The following HABP2 variants were observed in gnomAD, a reference collection of about 807,000 sequenced individuals.
The protein encoded by HABP2 is factor VII-activating protease.
Under a neutral mutation model 66.5 loss-of-function variants are expected in HABP2, and 65 were observed. The ratio of observed to expected loss-of-function variants is 0.98; its 90% confidence interval spans 0.80 to 1.20. The LOEUF (loss-of-function observed/expected upper bound fraction) is 1.20. Ranked by LOEUF, HABP2 falls within the 50% of genes most tolerant of loss-of-function variation. The probability of loss-of-function intolerance (pLI) is 0.00; values close to 1 mark genes in which losing one functional copy is unlikely to be tolerated. For synonymous variants in HABP2, 263 were observed against 253.9 expected (o/e 1.04, Z -0.34); for missense variants, 786 against 691.0 (o/e 1.14, Z -1.54).
chr10:113,586,385 G>T (rs1020506387), intron 12 of HABP2, among the ~76,000 whole-genome samples: 1 of 150,480 alleles, frequency 6.6e-6, no homozygotes, highest in Non-Finnish European at 1.5e-5. Flanking sequence ...AAGACCAGTG[G>T]CTAGAAGGAG....
chr10:113,580,762 C>A (rs150362139), intron 8 of HABP2, 70 bp downstream of exon 8: 2 of 800,602 alleles, frequency 2.5e-6, no homozygotes, highest in South Asian at 1.4e-5. Context: ...ATGTCCCTGG[C>A]ACCTGGTCCC....
chr10:113,574,851 C>A (rs1384908665), intron 3 of HABP2, among the ~76,000 whole-genome samples: 1 of 152,166 alleles, frequency 6.6e-6, no homozygotes, highest in African/African-American at 2.4e-5. Context: ...TCCCTCATGC[C>A]TTTGCCAGAA....
Position 113,588,695 on chromosome 10 carries a change from G to A in HABP2, c.*326G>A. The A allele has an allele frequency of 1.9e-6, 1 of 537,534 alleles. No homozygotes were observed. Among genetic ancestry groups the A allele is most frequent in the Non-Finnish European group, 3.3e-6 (1 of 306,234 alleles). The allele number at this position is 537,534 out of a possible 1,614,324, so 33.3% of individuals were successfully genotyped here. On this transcript the variant is annotated 3_prime_UTR_variant, in exon 13 of 13. Coordinates refer to ENST00000351270, the MANE Select transcript of HABP2 (RefSeq NM_004132.5). ...CCACCACAGGCATCCTGCAAATGCA[G>A]ACTCCAGAATCCCCAGCATCAGCGG...
At position 113,578,640 on chromosome 10, in the gene HABP2, C is replaced by CT; in HGVS notation, c.583dup (p.Tyr195LeufsTer14). 2 of 1,612,690 alleles carry CT rather than the reference C, an allele frequency of 1.2e-6. No homozygotes were observed. Among genetic ancestry groups the CT allele is most frequent in the Non-Finnish European group, 1.7e-6 (2 of 1,178,944 alleles). On this transcript the variant is annotated frameshift_variant, in exon 7 of 13. Coordinates refer to ENST00000351270, the MANE Select transcript of HABP2 (RefSeq NM_004132.5). LOFTEE classifies it high-confidence loss of function. ...GCTCTCTCGGAGGTTCTGATGACTGCTATGTTGGCGATGGCTACTCTTACC... is the reference window on the plus strand; with the variant it reads ...GCTCTCTCGGAGGTTCTGATGACTGCTTATGTTGGCGATGGCTACTCTTACC...
rs137990336 is a variant in HABP2, at chr10:113,588,240, C to T, written c.1554C>T (p.Asp518=). Reference sequence around the variant, plus strand: ...GAGGCCCCCTGACCTGTGAGAAGGACGGCACCTACTACGTCTATGGGATAG... The same window carrying T: ...GAGGCCCCCTGACCTGTGAGAAGGATGGCACCTACTACGTCTATGGGATAG... ...DSGGPLTCEK[D]GTYYVYGIVS... The change falls in exon 13 of 13, where the codon GAC becomes GAT. Residue 518 remains aspartate, a synonymous_variant. Coordinates refer to ENST00000351270, the MANE Select transcript of HABP2 (RefSeq NM_004132.5). 474 of 1,612,770 alleles carry T rather than the reference C, an allele frequency of 2.9e-4. No individual in the cohort carries two copies. In the African/African-American group the frequency reaches 4.4e-3, roughly 15 times the overall value.
In HABP2 at chr10:113,553,052, TC is replaced by T. The variant is rs1184211847; in HGVS notation, c.-64del. The T allele has an allele frequency of 3.7e-6, 4 of 1,069,318 alleles. No individual in the cohort carries two copies. Among genetic ancestry groups the T allele is most frequent in the Admixed American group, 1.8e-5 (1 of 55,706 alleles). 66.2% of individuals were successfully genotyped at this position (1,069,318 alleles called of 1,614,324 possible). A position where few individuals can be genotyped will look rare whatever the true frequency, so the allele number is the denominator to read the frequency against. On this transcript the variant is annotated 5_prime_UTR_variant, in exon 1 of 13. Coordinates refer to ENST00000351270, the MANE Select transcript of HABP2 (RefSeq NM_004132.5). Reference sequence around the variant, plus strand: ...CTGAATCCTTGGAGACTGACATTTTTCCCCCCTAAAGGCATAGACAACAAAA... The same window carrying T: ...CTGAATCCTTGGAGACTGACATTTTTCCCCCTAAAGGCATAGACAACAAAA...
chr10:113,582,352 T>A (rs965634919), intron 9 of HABP2, among the ~76,000 whole-genome samples: 2 of 152,264 alleles, frequency 1.3e-5, no homozygotes, highest in Non-Finnish European at 2.9e-5. Flanking sequence ...TCCTTAAAGC[T>A]GTCTGCTGGA....
At chr10:113,574,196 A>T (rs1282409107) in intron 2 of HABP2, 93 bp from the exon 3 acceptor site, 1 of 711,450 alleles carries the variant, frequency 1.4e-6, no homozygotes, top group African/African-American at 1.7e-5. Flanking sequence ...AGGACTTTGA[A>T]TTCTTTGGGG....
chr10:113,578,710 T>G lies in HABP2; in HGVS notation c.652T>G (p.Trp218Gly), dbSNP rs1565105034. 1 of 1,610,164 alleles carries G rather than the reference T, an allele frequency of 6.2e-7. No homozygotes were observed. Among genetic ancestry groups the G allele is most frequent in the Non-Finnish European group, 8.5e-7 (1 of 1,176,392 alleles). ...RTVNQHACLY[W>G]NSHLLLQENY... ...AGTCAACCAGCATGCGTGCCTTTAC[T>G]GGAACTCCCACCTCCTCTTGCAGGA... Residue 218 changes from tryptophan (W) to glycine (G), a missense_variant, in exon 7 of 13, where the codon TGG becomes GGG. Coordinates refer to ENST00000351270, the MANE Select transcript of HABP2 (RefSeq NM_004132.5).
rs1290777970 is a variant in HABP2, at chr10:113,589,164, A to C, written c.*795A>C. ...CCGGTTCCCACAGGACACGCTAAGA[A>C]GCACAGGGAGCATTTAACAGGCTCA... On this transcript the variant is annotated 3_prime_UTR_variant, in exon 13 of 13. Transcript: ENST00000351270. 9 of 1,053,074 alleles carry C rather than the reference A, an allele frequency of 8.5e-6. No homozygotes were observed. In the South Asian group the frequency reaches 1.3e-4, roughly 15 times the overall value. 65.2% of individuals were successfully genotyped at this position (1,053,074 alleles called of 1,614,324 possible).
intron 1 of HABP2, among the ~76,000 whole-genome samples, chr10:113,557,675 A>T (rs1845023492): frequency 6.6e-6 from 1 of 152,266 alleles, no homozygotes; most frequent in Admixed American, 6.5e-5. Flanking sequence ...AGTTCTCCTT[A>T]GTCGGCTCTT....
chr10:113,557,759 G>A (rs932038775), intron 1 of HABP2, among the ~76,000 whole-genome samples: 3 of 152,212 alleles, frequency 2.0e-5, no homozygotes, highest in East Asian at 1.9e-4. Context: ...AAGAGTAATC[G>A]TAATAATTAA....
intron 1 of HABP2, among the ~76,000 whole-genome samples, chr10:113,566,479 T>C (rs1357185960): frequency 6.6e-6 from 1 of 152,282 alleles, no homozygotes; most frequent in Non-Finnish European, 1.5e-5. Flanking sequence ...TCATTATTTA[T>C]TTATTCAGCA....
chr10:113,552,992 G>T (rs1844923725), upstream of HABP2: 4 of 684,660 alleles, frequency 5.8e-6, no homozygotes, highest in Non-Finnish European at 1.0e-5. Context: ...AGTATTTGAT[G>T]CCTAGTTAAT....
At chr10:113,582,846 T>A (rs115994572) in intron 9 of HABP2, among the ~76,000 whole-genome samples, 3 of 152,188 alleles carry the variant, frequency 2.0e-5, no homozygotes, top group Non-Finnish European at 2.9e-5. Flanking sequence ...GTTCACCTTA[T>A]AGTAAATGAT....
rs1844949171 is a variant in HABP2, at chr10:113,554,140, TA to T, written c.69+953del. Among the ~76,000 whole-genome samples, 20 of 152,292 alleles carry T rather than the reference TA, an allele frequency of 1.3e-4. No individual in the cohort carries two copies. In the South Asian group the frequency reaches 4.1e-3, roughly 32 times the overall value. ...TCATAGATTTGGGGAGGGCCACAAG[TA>T]AACGAGGTCATGTATGTGGCTTGCA... is the stretch of plus-strand genomic sequence containing the variant. On this transcript the variant is annotated intron_variant, in intron 1 of 12. Coordinates refer to ENST00000351270, the MANE Select transcript of HABP2 (RefSeq NM_004132.5).
intron 1 of HABP2, among the ~76,000 whole-genome samples, chr10:113,562,620 T>G (rs996380791): frequency 1.3e-5 from 2 of 152,120 alleles, no homozygotes; most frequent in African/African-American, 4.8e-5. Flanking sequence ...AATTTTTGTA[T>G]TTTTAGTAGA....
chr10:113,566,024 TC>T (rs1267197749), intron 1 of HABP2, among the ~76,000 whole-genome samples: 10 of 152,222 alleles, frequency 6.6e-5, no homozygotes, highest in African/African-American at 2.2e-4. Flanking sequence ...TAATTTATCA[TC>T]TACCTAATTC....
chr10:113,563,599 T>G (rs1339521742), intron 1 of HABP2, among the ~76,000 whole-genome samples: 1 of 151,940 alleles, frequency 6.6e-6, no homozygotes, highest in Non-Finnish European at 1.5e-5. Context: ...TTTTGTTTGG[T>G]TTCCCTCCGA....
Sources: gnomAD v4.1 joint callset for allele counts (sites outside exome capture counted in the v4.1 genomes callset) on GRCh38, gnomAD v4.1.1 for gene constraint, MANE v1.5 for transcripts, NCBI Gene and HGNC (gene_info 2026-07-23, HGNC 2026-07-21) for gene names.